The following MYO10 variants were observed in gnomAD, a reference collection of about 807,000 sequenced individuals.
MYO10 encodes unconventional myosin-X.
In MYO10, 133 loss-of-function variants were observed where a neutral mutation model predicts 257.3. The observed-to-expected ratio is 0.52, with a 90% CI of 0.45 to 0.60. MYO10 has a LOEUF of 0.60. MYO10 is among the 20% of genes least tolerant of loss of function. The probability of loss-of-function intolerance (pLI) is 0.00; values close to 1 mark genes in which losing one functional copy is unlikely to be tolerated. For missense variants in MYO10, 2,399 were observed against 2,635.7 expected (o/e 0.91, Z 1.97); for synonymous variants, 1,104 against 1,028.6 (o/e 1.07, Z -1.40).
chr5:16,821,933 G>T (rs2126708789), intron 2 of MYO10, among the ~76,000 whole-genome samples: 1 of 144,886 alleles, frequency 6.9e-6, no homozygotes, highest in Admixed American at 7.0e-5. Context: ...AAAAAAAAAA[G>T]CATTATTTCA....
At chr5:16,819,895 A>C (rs1580030442) in intron 2 of MYO10, among the ~76,000 whole-genome samples, 2 of 152,246 alleles carry the variant, frequency 1.3e-5, no homozygotes, top group Non-Finnish European at 2.9e-5. Flanking sequence ...TGGTCAAGCC[A>C]GTCCTGAGAA....
intron 1 of MYO10, among the ~76,000 whole-genome samples, chr5:16,906,497 C>T (rs1745523085): frequency 1.3e-5 from 2 of 152,156 alleles, no homozygotes; most frequent in South Asian, 4.1e-4. Context: ...TGTTGAGAAA[C>T]CACCACTCTA....
Position 16,794,629 on chromosome 5 carries a change from G to C in MYO10, c.467+17C>G, listed in dbSNP as rs373088039. 6.8e-5 allele frequency: 109 copies of C among 1,595,204 alleles called. No individual in the cohort carries two copies. In the African/African-American group the frequency reaches 1.2e-3, roughly 17 times the overall value. ...CCTGGGCCATGGGAAAGTCCGACTG[G>C]CTGTGAGCCCCGTTACCTGATGAGG... On this transcript the variant is annotated intron_variant, in intron 4 of 40. Transcript: ENST00000513610.
chr5:16,703,066 T>C lies in MYO10; in HGVS notation c.2369A>G (p.Lys790Arg). 1 of 1,562,558 alleles carries C rather than the reference T, an allele frequency of 6.4e-7. No homozygotes were observed. The highest frequency in any genetic ancestry group is 2.3e-5 in the East Asian group (1 of 42,682). Residue 790 changes from lysine to arginine, a missense_variant, in exon 23 of 41, where the codon AAG becomes AGG. Around this residue, in one of 3 missense-constraint regions of MYO10, gnomAD observed 1,820 missense variants for 1,939.4 expected, o/e 0.94. Coordinates refer to ENST00000513610, the MANE Select transcript of MYO10 (RefSeq NM_012334.3). ...TTGCTTCTGGAAAACTATGGCTGCC[T>C]TTTTCAGGTGCAAAAATCTCCTCCT... is the stretch of plus-strand genomic sequence containing the variant. ...LLRRRFLHLK[K>R]AAIVFQKQLR... is the part of the protein sequence containing the mutation.
intron 2 of MYO10, among the ~76,000 whole-genome samples, chr5:16,858,349 C>T (rs1165235530): frequency 6.0e-5 from 9 of 150,812 alleles, no homozygotes. Flanking sequence ...GGAGTCGTCA[C>T]ATAAGCTTTA....
intron 1 of MYO10, among the ~76,000 whole-genome samples, chr5:16,909,931 A>G (rs1450556412): frequency 6.6e-6 from 1 of 152,066 alleles, no homozygotes; most frequent in Non-Finnish European, 1.5e-5. Context: ...TGTGATCTGC[A>G]TACGGAGACT....
In MYO10 at chr5:16,877,698, C is replaced by T. The variant is rs768456949; in HGVS notation, c.31G>A (p.Val11Ile). The T allele has an allele frequency of 1.2e-6, 2 of 1,612,882 alleles. No homozygotes were observed. Among genetic ancestry groups the T allele is most frequent in the Non-Finnish European group, 1.7e-6 (2 of 1,179,378 alleles). Reference protein sequence around the residue: MDNFFTEGTRVWLRENGQHFP... With the variant: MDNFFTEGTRIWLRENGQHFP... ...TGCTGGCCATTTTCTCTCAGCCAGA[C>T]CCGTGTTCCCTGTAAACAAAACAAA... Residue 11 changes from valine (V) to isoleucine (I), a missense_variant, in exon 2 of 41, where the codon GTC becomes ATC. By Grantham distance (29) the Val-to-Ile change is conservative. Transcript: ENST00000513610.
At position 16,683,875 on chromosome 5, in the gene MYO10, C is replaced by T; in HGVS notation, c.4046+5G>A. On this transcript the variant is annotated splice_donor_5th_base_variant and intron_variant, in intron 30 of 40. Transcript: ENST00000513610. ...GTTTTTGTTAAGAGCCACATCTGAG[C>T]TTACCTATCAGGGCTGTCAGAGGCA... The T allele has an allele frequency of 6.2e-7, 1 of 1,613,700 alleles. No homozygotes were observed. Among genetic ancestry groups the T allele is most frequent in the Non-Finnish European group, 8.5e-7 (1 of 1,179,800 alleles).
chr5:16,763,634 T>C (rs1009913919), intron 13 of MYO10, 21 bp downstream of exon 13: 2 of 1,583,998 alleles, frequency 1.3e-6, no homozygotes, highest in African/African-American at 1.4e-5. Context: ...AAAATTGAAA[T>C]GGAATTCTAT....
intron 33 of MYO10, among the ~76,000 whole-genome samples, chr5:16,677,991 C>T (rs1377883811): frequency 2.6e-5 from 4 of 151,752 alleles, no homozygotes; most frequent in Non-Finnish European, 5.9e-5. Context: ...AAACTCCTGA[C>T]CTCAGGTGAT....
chr5:16,816,776 T>A lies in MYO10; in HGVS notation c.279+1233A>T, dbSNP rs376153909. ...ATCTCTTGATCTCGTGATCCGCCCG[T>A]CTCAGCCTCCCAAAGTGCTGGGATT... On this transcript the variant is annotated intron_variant, in intron 3 of 40. Transcript: ENST00000513610. Among the ~76,000 whole-genome samples, 3 of 151,572 alleles carry A rather than the reference T, an allele frequency of 2.0e-5. No homozygotes were observed. The East Asian group carries it at 5.9e-4, about 30-fold the overall frequency.
chr5:16,889,207 A>C (rs1156354920), intron 1 of MYO10, among the ~76,000 whole-genome samples: 6 of 145,662 alleles, frequency 4.1e-5, no homozygotes, highest in Non-Finnish European at 6.0e-5. Context: ...AAAAAAAAAA[A>C]TCAGCCTGGC....
intron 28 of MYO10, among the ~76,000 whole-genome samples, chr5:16,688,750 G>GAA (rs5866201): frequency 0.075 from 10,089 of 134,572 alleles, 462 homozygotes; most frequent in Non-Finnish European, 0.1. Flanking sequence ...CAAAAAAAAA[G>GAA]AAAAAAAAAA....
chr5:16,861,997 C>A (rs1263481032), intron 2 of MYO10, among the ~76,000 whole-genome samples: 1 of 152,118 alleles, frequency 6.6e-6, no homozygotes, highest in Non-Finnish European at 1.5e-5. Flanking sequence ...ATGGTGCCTG[C>A]TGGAGAGATG....
At chr5:16,838,376 CT>C (rs1743375231) in intron 2 of MYO10, among the ~76,000 whole-genome samples, 1 of 152,178 alleles carries the variant, frequency 6.6e-6, no homozygotes, top group South Asian at 2.1e-4. Flanking sequence ...TTTGAGTGGT[CT>C]GGATAGATCA....
Position 16,678,604 on chromosome 5 carries a change from C to T in MYO10, c.4542+1343G>A, listed in dbSNP as rs906771634. Among the ~76,000 whole-genome samples, 4 of 152,132 alleles carry T rather than the reference C, an allele frequency of 2.6e-5. 1 individual carries two copies. Among genetic ancestry groups the T allele is most frequent in the East Asian group, 1.9e-4 (1 of 5,184 alleles). On this transcript the variant is annotated intron_variant, in intron 33 of 40. Transcript: ENST00000513610. ...CCGTCTCAAAACAAACAAAAAACAA[C>T]TGGCTTGCCAGAATCTGGTTCTAAA...
At chr5:16,846,032 G>A (rs1205962756) in intron 2 of MYO10, among the ~76,000 whole-genome samples, 2 of 152,010 alleles carry the variant, frequency 1.3e-5, no homozygotes, top group African/African-American at 2.4e-5. Context: ...TAAAAAATGG[G>A]ACAACTCTAT....
intron 1 of MYO10, among the ~76,000 whole-genome samples, chr5:16,903,005 G>A (rs1006168539): frequency 7.9e-5 from 12 of 152,224 alleles, no homozygotes; most frequent in African/African-American, 2.4e-4. Flanking sequence ...TCGTAACCTT[G>A]GAGAATAATC....
At chr5:16,930,935 G>GT (rs1321607660) in intron 1 of MYO10, among the ~76,000 whole-genome samples, 1 of 152,182 alleles carries the variant, frequency 6.6e-6, no homozygotes, top group Non-Finnish European at 1.5e-5. Context: ...AAAATGTTAC[G>GT]TAGCAGTTAC....
Sources: gnomAD v4.1 joint callset for allele counts (sites outside exome capture counted in the v4.1 genomes callset) on GRCh38, gnomAD v4.1.1 for gene constraint, gnomAD v4.1.1 regional missense constraint, MANE v1.5 for transcripts, NCBI Gene and HGNC (gene_info 2026-07-23, HGNC 2026-07-21) for gene names.